LTN1: variants seen among roughly 807,000 people sequenced by gnomAD.
LTN1 encodes the protein E3 ubiquitin-protein ligase listerin.
Under a neutral mutation model 201.2 loss-of-function variants are expected in LTN1, and 88 were observed. That is an observed-to-expected ratio of 0.44 (90% CI 0.37 to 0.52). The LOEUF (loss-of-function observed/expected upper bound fraction) is 0.52. Among genes scored for constraint, LTN1 ranks in the 20% least tolerant of loss-of-function variants. The pLI, the probability that LTN1 is intolerant of heterozygous loss-of-function variation, is 0.00. For missense variants in LTN1, 1,752 were observed against 2,038.7 expected, an observed-to-expected ratio of 0.86 and a Z score of 2.71; for synonymous variants, 645 against 713.5, an observed-to-expected ratio of 0.90 and a Z score of 1.53.
intron 1 of LTN1, 87 bp downstream of exon 1, chr21:28,992,677 G>A (rs1214949248): frequency 1.0e-5 from 15 of 1,487,690 alleles, no homozygotes; most frequent in African/African-American, 1.4e-5. Context: ...CTACAGCCGC[G>A]CTCCACACAC....
intron 26 of LTN1, among the ~76,000 whole-genome samples, chr21:28,935,937 G>A (rs551562258): frequency 6.6e-6 from 1 of 150,408 alleles, no homozygotes; most frequent in African/African-American, 2.4e-5. Flanking sequence ...AAATAAAATA[G>A]AATACACATA....
At chr21:28,942,690 G>A (rs1225791025) in intron 24 of LTN1, among the ~76,000 whole-genome samples, 2 of 152,004 alleles carry the variant, frequency 1.3e-5, no homozygotes, top group Non-Finnish European at 2.9e-5. Context: ...CTGCAGAAAT[G>A]CTACCTAACC....
chr21:28,970,806 A>G (rs112468285), intron 7 of LTN1, 64 bp from the exon 8 acceptor site: 1 of 1,287,840 alleles, frequency 7.8e-7, no homozygotes, highest in Non-Finnish European at 1.1e-6. Context: ...CAATTAAAAG[A>G]GAAAACATAT....
In LTN1 at chr21:28,982,340, G is replaced by C; in HGVS notation, c.605C>G (p.Thr202Arg). Reference sequence around the variant, plus strand: ...CTGCGGGTCACTGAGTGTATCAGGTGTTTCTTTTATAAGATGATCCTGCAG... The same window carrying C: ...CTGCGGGTCACTGAGTGTATCAGGTCTTTCTTTTATAAGATGATCCTGCAG... ...SVLQDHLIKETPDTLSDPQTV... is the reference protein window; with the variant it reads ...SVLQDHLIKERPDTLSDPQTV... Residue 202 changes from threonine (T) to arginine (R), a missense_variant, in exon 5 of 30, where the codon ACA becomes AGA. Coordinates refer to ENST00000361371, the MANE Select transcript of LTN1 (RefSeq NM_015565.3). 6.2e-7 allele frequency: 1 copy of C among 1,613,760 alleles called. No individual in the cohort carries two copies. The highest frequency in any genetic ancestry group is 8.5e-7 in the Non-Finnish European group (1 of 1,179,720).
rs773387551 is a variant in LTN1 at position 28,943,667 on chromosome 21, T to C, written c.4220A>G (p.Lys1407Arg). The change falls in exon 23 of 30, where the codon AAA becomes AGA. Residue 1407 changes from lysine to arginine, a missense_variant and splice_region_variant. Around this residue, in one of 3 missense-constraint regions of LTN1, gnomAD observed 1,211 missense variants for 1,312.8 expected, o/e 0.92. Transcript: ENST00000361371. ...VQIAVYHMLYKLMPELPQYDQ... is the reference protein window; with the variant it reads ...VQIAVYHMLYRLMPELPQYDQ... ...TTGATTCAATTGGATGAATTCTTAC[T>C]TGTATAGCATATGATAAACAGCAAT... 21 of 1,576,268 alleles carry C rather than the reference T, an allele frequency of 1.3e-5. No individual in the cohort carries two copies. The highest frequency in any genetic ancestry group is 1.7e-5 in the Non-Finnish European group (19 of 1,145,794).
Position 28,969,483 on chromosome 21 carries a change from T to G in LTN1, c.1294A>C (p.Met432Leu). 1 of 1,609,564 alleles carries G rather than the reference T, an allele frequency of 6.2e-7. No individual in the cohort carries two copies. The highest frequency in any genetic ancestry group is 8.5e-7 in the Non-Finnish European group (1 of 1,178,918). ...QNLGEEEIEQ[M>L]LVNDQLIPFI... is the part of the protein sequence containing the mutation. ...ATAGATACCTGATCATTGACGAGCA[T>G]CTGTTCAATCTCTTCCTCACCTAAG... Residue 432 changes from methionine (M) to leucine (L), a missense_variant, in exon 9 of 30, where the codon ATG (methionine) becomes CTG (leucine). Met to Leu is a conservative substitution (Grantham distance 15). Around this residue, in one of 3 missense-constraint regions of LTN1, gnomAD observed 1,211 missense variants for 1,312.8 expected, o/e 0.92. Transcript: ENST00000361371.
chr21:28,982,229 A>G, intron 5 of LTN1, 87 bp downstream of exon 5: 2 of 1,263,340 alleles, frequency 1.6e-6, no homozygotes, highest in Non-Finnish European at 2.3e-6. Flanking sequence ...AAAAAAAACA[A>G]AAACAAAAAG....
In LTN1 at chr21:28,946,044, A is replaced by G; in HGVS notation, c.3624-93T>C. ...TTTAAATCTTACATACTTATTTATA[A>G]CTGACTTAAATGTCTACCATAATTT... On this transcript the variant is annotated intron_variant, in intron 20 of 29. Coordinates refer to ENST00000361371, the MANE Select transcript of LTN1 (RefSeq NM_015565.3). The G allele has an allele frequency of 5.6e-6, 8 of 1,425,730 alleles. No homozygotes were observed. In the South Asian group the frequency reaches 1.0e-4, roughly 19 times the overall value. 88.3% of individuals were successfully genotyped at this position (1,425,730 alleles called of 1,614,324 possible).
chr21:28,976,245 A>G (rs1441338840), intron 6 of LTN1, among the ~76,000 whole-genome samples: 2 of 152,218 alleles, frequency 1.3e-5, no homozygotes, highest in Non-Finnish European at 2.9e-5. Flanking sequence ...CTGTGTGCAA[A>G]TTATACTTCA....
At chr21:28,943,381 T>TA in intron 23 of LTN1, 45 bp from the exon 24 acceptor site, 3 of 1,190,268 alleles carry the variant, frequency 2.5e-6, no homozygotes, top group Non-Finnish European at 3.7e-6. Context: ...ATTAAACTGT[T>TA]TATTAAGTCG....
intron 12 of LTN1, among the ~76,000 whole-genome samples, chr21:28,960,312 A>G (rs2084465146): frequency 6.6e-6 from 1 of 151,632 alleles, no homozygotes; most frequent in Admixed American, 6.6e-5. Flanking sequence ...AGCCAAGATC[A>G]CACCACTGCA....
chr21:28,940,647 A>T (rs1021306242), intron 25 of LTN1, among the ~76,000 whole-genome samples: 1 of 152,184 alleles, frequency 6.6e-6, no homozygotes, highest in African/African-American at 2.4e-5. Context: ...TTATATAAAT[A>T]TTATTTCCTG....
At position 28,931,190 on chromosome 21, in the gene LTN1, T is replaced by C; in HGVS notation, c.5203A>G (p.Arg1735Gly). 1 of 1,613,452 alleles carries C rather than the reference T, an allele frequency of 6.2e-7. No homozygotes were observed. Among genetic ancestry groups the C allele is most frequent in the Non-Finnish European group, 8.5e-7 (1 of 1,179,730 alleles). ...FNYSLPKKAC[R>G]TCKKKFHSAC... ...GAATGGAATTTTTTCTTGCATGTTC[T>C]ACAGGCTTTTTTGGGAAGGGAATAG... The change falls in exon 29 of 30, where the codon AGA becomes GGA. Residue 1735 changes from arginine (R) to glycine (G), a missense_variant. By Grantham distance (125) the Arg-to-Gly change is moderately radical. Around this residue, in one of 3 missense-constraint regions of LTN1, gnomAD observed 261 missense variants for 350.1 expected, o/e 0.75. Transcript: ENST00000361371.
chr21:28,971,449 A>G lies in LTN1; in HGVS notation c.811-5T>C. On this transcript the variant is annotated splice_polypyrimidine_tract_variant and splice_region_variant and intron_variant, in intron 6 of 29. Coordinates refer to ENST00000361371, the MANE Select transcript of LTN1 (RefSeq NM_015565.3). ...CTCAAAATAAGCTGAGCGAATCTAAAAGAATGCAAAGCTGAATTAAATTAA... is the reference window on the plus strand; with the variant it reads ...CTCAAAATAAGCTGAGCGAATCTAAGAGAATGCAAAGCTGAATTAAATTAA... 1.2e-6 allele frequency: 2 copies of G among 1,611,496 alleles called. No homozygotes were observed. Among genetic ancestry groups the G allele is most frequent in the Non-Finnish European group, 1.7e-6 (2 of 1,178,786 alleles).
rs1349135260 is a variant in LTN1, at chr21:28,941,268, A to T, written c.4434T>A (p.Leu1478=). The T allele has an allele frequency of 6.2e-7, 1 of 1,612,368 alleles. No individual in the cohort carries two copies. Residue 1478 remains leucine, a synonymous_variant, in exon 25 of 30, where the codon CTT becomes CTA. Transcript: ENST00000361371. ...SEDFCYVLGY[L]LTWKLILTFF... ...AAGTTAGTATTAATTTCCAAGTGAGAAGGTATCCCAGAACATAACAGAAGT... is the reference window on the plus strand; with the variant it reads ...AAGTTAGTATTAATTTCCAAGTGAGTAGGTATCCCAGAACATAACAGAAGT...
intron 11 of LTN1, among the ~76,000 whole-genome samples, chr21:28,963,509 C>A (rs527423448): frequency 3.3e-5 from 5 of 152,230 alleles, no homozygotes; most frequent in Admixed American, 1.3e-4. Context: ...GAAAAAAATT[C>A]TACAATAAGT....
intron 3 of LTN1, among the ~76,000 whole-genome samples, chr21:28,985,661 T>C (rs898571140): frequency 6.7e-6 from 1 of 150,268 alleles, no homozygotes; most frequent in African/African-American, 2.4e-5. Context: ...ATCCAATCTT[T>C]TTTTTTTTTT....
intron 11 of LTN1, among the ~76,000 whole-genome samples, chr21:28,962,356 G>A (rs2084486014): frequency 6.6e-6 from 1 of 152,036 alleles, no homozygotes; most frequent in East Asian, 1.9e-4. Flanking sequence ...AACAATATAT[G>A]CTCATTTTGT....
chr21:28,959,812 G>A, intron 12 of LTN1, 115 bp from the exon 13 acceptor site: 2 of 922,334 alleles, frequency 2.2e-6, no homozygotes, highest in Non-Finnish European at 3.1e-6. Flanking sequence ...AAATGTATTA[G>A]ACAAAATTTT....
Sources: allele counts gnomAD v4.1 joint callset (sites outside exome capture counted in the v4.1 genomes callset), GRCh38; gene constraint gnomAD v4.1.1; regional missense constraint gnomAD v4.1.1; transcripts MANE v1.5; gene names NCBI Gene and HGNC (gene_info 2026-07-23, HGNC 2026-07-21).